Variants in MUTYH observed in about 807,000 individuals in gnomAD.
MUTYH encodes the protein adenine DNA glycosylase.
A neutral mutation model predicts 72.9 loss-of-function variants in MUTYH; 64 were observed. The ratio of observed to expected loss-of-function variants is 0.88; its 90% CI spans 0.72 to 1.08. The LOEUF is 1.08. MUTYH is among the 50% of genes least tolerant of loss of function. The probability of loss-of-function intolerance (pLI) is 0.00; values close to 1 mark genes in which losing one functional copy is unlikely to be tolerated. For synonymous variants in MUTYH, 234 were observed against 263.1 expected, an observed-to-expected ratio of 0.89 and a Z score of 1.07; for missense variants, 633 against 671.0, an observed-to-expected ratio of 0.94 and a Z score of 0.63.
upstream of MUTYH, chr1:45,340,204 G>C (rs2149248374): frequency 6.2e-7 from 1 of 1,613,586 alleles, no homozygotes; most frequent in Non-Finnish European, 8.5e-7. Context: ...GAGACGGACC[G>C]CAAGTCCAGC....
chr1:45,330,228 CAAAAAAAAAA>C (rs34168747), intron 15 of MUTYH, among the ~76,000 whole-genome samples: 1 of 62,940 alleles, frequency 1.6e-5, no homozygotes, highest in Non-Finnish European at 2.9e-5. Flanking sequence ...GAGACTGTCT[CAAAAAAAAAA>C]AAAAAAAAAA....
chr1:45,336,582 G>A lies in MUTYH; in HGVS notation c.-6-2071C>T, dbSNP rs1269067721. ...TTATAATCTCCCCACCCTTGAGAAT[G>A]TACTTTGTGAGATCCACCCCCTGCC... On this transcript the variant is annotated intron_variant, in intron 1 of 15. Coordinates refer to ENST00000456914, the MANE Select transcript of MUTYH (RefSeq NM_001048174.2). Among the ~76,000 whole-genome samples the A allele has an allele frequency of 2.7e-5, 4 of 150,914 alleles. No individual in the cohort carries two copies. The East Asian group carries it at 5.9e-4, about 22-fold the overall frequency.
intron 1 of MUTYH, among the ~76,000 whole-genome samples, chr1:45,336,601 C>A (rs1645932169): frequency 6.6e-6 from 1 of 152,042 alleles, no homozygotes; most frequent in Non-Finnish European, 1.5e-5. Context: ...GAGATCCACC[C>A]CCTGCCCCCA....
upstream of MUTYH, chr1:45,340,164 C>CCCCA (rs762845012): frequency 6.2e-7 from 1 of 1,605,606 alleles, no homozygotes; most frequent in African/African-American, 1.3e-5. Flanking sequence ...CGAGACCCCG[C>CCCCA]CCCATCCCCG....
At position 45,335,526 on chromosome 1, in the gene MUTYH, T is replaced by C. The variant is rs3219483; in HGVS notation, c.-6-1015A>G. 7.3e-3 allele frequency among the ~76,000 whole-genome samples: 1,109 copies of C among 151,848 alleles called. 16 individuals are homozygous for C. Among genetic ancestry groups the C allele is most frequent in the African/African-American group, 0.026 (1,063 of 41,396 alleles). On this transcript the variant is annotated intron_variant, in intron 1 of 15. Coordinates refer to ENST00000456914, the MANE Select transcript of MUTYH (RefSeq NM_001048174.2). ...CTTACCCTCCTCCTCTTCAGGGTCC[T>C]GCTCCTCCAATCCCGTCTAACTGTT...
Position 45,332,701 on chromosome 1 carries a change from A to C in MUTYH, c.493-14T>G. 6.2e-7 allele frequency: 1 copy of C among 1,614,074 alleles called. No homozygotes were observed. The highest frequency in any genetic ancestry group is 1.1e-5 in the South Asian group (1 of 91,086). ...CTCCTCTACCACCTGATTGGAGTGC[A>C]AGACTCAAGATTATAAGACACCCAA... On this transcript the variant is annotated splice_polypyrimidine_tract_variant and intron_variant, in intron 7 of 15. Transcript: ENST00000456914.
At chr1:45,329,814 C>T (rs1352735435) in intron 15 of MUTYH, 2 of 211,678 alleles carry the variant, frequency 9.4e-6, no homozygotes, top group South Asian at 9.5e-5. Context: ...ACTCTTGGGA[C>T]TGGAAAGAAC....
At chr1:45,339,673 T>A in intron 1 of MUTYH, 1 of 440,024 alleles carries the variant, frequency 2.3e-6, no homozygotes, top group Non-Finnish European at 4.3e-6. Flanking sequence ...AATCGGTCGC[T>A]CTTACACCCT....
In MUTYH at chr1:45,332,756, C is replaced by T. The variant is rs756863931; in HGVS notation, c.492+7G>A. ...CCTGGGTTCCTACCCTCCTGCCATC[C>T]CCTTACCTTCCGAGCTCCCTCCTGC... On this transcript the variant is annotated splice_region_variant and intron_variant, in intron 7 of 15. Coordinates refer to ENST00000456914, the MANE Select transcript of MUTYH (RefSeq NM_001048174.2). 3.1e-6 allele frequency: 5 copies of T among 1,614,184 alleles called. No homozygotes were observed. Among genetic ancestry groups the T allele is most frequent in the Non-Finnish European group, 2.5e-6 (3 of 1,180,020 alleles).
Position 45,333,465 on chromosome 1 carries a change from C to T in MUTYH, c.212G>A (p.Ser71Asn), listed in dbSNP as rs1645359691. The part of the protein sequence containing the change: ...DVAEVTAFRG[S>N]LLSWYDQEKR... ...CTCTTGGTCGTACCAGCTTAGCAGG[C>T]TCCCTCGGAAGGCTGTGACTTCAGC... Residue 71 changes from serine (S) to asparagine (N), a missense_variant, in exon 3 of 16, where the codon AGC becomes AAC. Physicochemically the swap from Ser to Asn is conservative, Grantham distance 46. Coordinates refer to ENST00000456914, the MANE Select transcript of MUTYH (RefSeq NM_001048174.2). 1 of 1,614,240 alleles carries T rather than the reference C, an allele frequency of 6.2e-7. No individual in the cohort carries two copies.
Position 45,339,906 on chromosome 1 carries a change from C to T in MUTYH, c.-14G>A. Reference sequence around the variant, plus strand: ...CACCCCACTACCCGCTACCCGCGGCCCACGCTGATGAAGACAGCAGAACAC... The same window carrying T: ...CACCCCACTACCCGCTACCCGCGGCTCACGCTGATGAAGACAGCAGAACAC... On this transcript the variant is annotated 5_prime_UTR_variant, in exon 1 of 16. Transcript: ENST00000456914. 1 of 1,426,348 alleles carries T rather than the reference C, an allele frequency of 7.0e-7. No individual in the cohort carries two copies. Among genetic ancestry groups the T allele is most frequent in the South Asian group, 1.2e-5 (1 of 83,108 alleles). The allele number at this position is 1,426,348 out of a possible 1,614,324, so 88.4% of individuals were successfully genotyped here.
At position 45,331,752 on chromosome 1, in the gene MUTYH, C is replaced by A. The variant is rs1644913465; in HGVS notation, c.1011G>T (p.Lys337Asn). ...TGGCAGAGCTCTCCTCCCTGGGGGG[C>A]TTGCGGCTGGCCTTTCTGGGGAAGT... ...VVNFPRKASRKPPREESSATC... is the reference protein window; with the variant it reads ...VVNFPRKASRNPPREESSATC... The change falls in exon 12 of 16, where the codon AAG (lysine) becomes AAT (asparagine). Residue 337 changes from lysine to asparagine, a missense_variant. Transcript: ENST00000456914. The A allele has an allele frequency of 3.7e-6, 6 of 1,614,122 alleles. 1 individual carries two copies. The South Asian group carries it at 4.4e-5, about 12-fold the overall frequency.
intron 8 of MUTYH, 31 bp downstream of exon 8, chr1:45,332,543 C>T (rs774327115): frequency 6.2e-5 from 100 of 1,613,914 alleles, no homozygotes; most frequent in Non-Finnish European, 6.8e-5. Context: ...AGGCTGGGCA[C>T]GCACAAAGTG....
intron 2 of MUTYH, chr1:45,334,044 T>C (rs1374681135): frequency 2.6e-6 from 1 of 383,010 alleles, no homozygotes; most frequent in Non-Finnish European, 5.0e-6. Context: ...TCTGGCTCTG[T>C]TGCCCAGACT....
chr1:45,338,033 A>AAGTG (rs1646180458), intron 1 of MUTYH, among the ~76,000 whole-genome samples: 1 of 152,230 alleles, frequency 6.6e-6, no homozygotes, highest in South Asian at 2.1e-4. Context: ...AAAGCATTCT[A>AAGTG]AGTGAGTGCA....
chr1:45,340,017 A>AG (rs1489234289), upstream of MUTYH: 3 of 1,539,472 alleles, frequency 1.9e-6, no homozygotes, highest in Non-Finnish European at 2.6e-6. Context: ...GGCGCACTCC[A>AG]GGGGGCGTGG....
chr1:45,339,992 C>A, upstream of MUTYH: 1 of 1,535,702 alleles, frequency 6.5e-7, no homozygotes, highest in Non-Finnish European at 8.8e-7. Context: ...CGAGCTCTAG[C>A]GCGCCCGGCT....
chr1:45,339,914 A>G lies in MUTYH; in HGVS notation c.-22T>C, dbSNP rs1204092840. On this transcript the variant is annotated 5_prime_UTR_variant, in exon 1 of 16. Transcript: ENST00000456914. Reference sequence around the variant, plus strand: ...TACCCGCTACCCGCGGCCCACGCTGATGAAGACAGCAGAACACGGAGGCCC... The same window carrying G: ...TACCCGCTACCCGCGGCCCACGCTGGTGAAGACAGCAGAACACGGAGGCCC... 2 of 1,437,470 alleles carry G rather than the reference A, an allele frequency of 1.4e-6. No homozygotes were observed. The highest frequency in any genetic ancestry group is 6.5e-5 in the East Asian group (2 of 30,714). 89.0% of individuals were successfully genotyped at this position (1,437,470 alleles called of 1,614,324 possible).
upstream of MUTYH, chr1:45,340,144 G>C (rs3219467): frequency 2.9e-3 from 4,664 of 1,584,652 alleles, 16 homozygotes; most frequent in South Asian, 3.9e-3. Context: ...ACCCATCGGC[G>C]ACCCGACGGC....
Sources: gnomAD v4.1 joint callset for allele counts (sites outside exome capture counted in the v4.1 genomes callset) on GRCh38, gnomAD v4.1.1 for gene constraint, MANE v1.5 for transcripts, NCBI Gene and HGNC (gene_info 2026-07-23, HGNC 2026-07-21) for gene names.